The following COPS5 variants were observed in gnomAD, a reference collection of about 807,000 sequenced individuals.
COPS5 encodes the protein COP9 signalosome subunit 5.
In COPS5, 8 loss-of-function variants were observed where a neutral mutation model predicts 44.4. That is an observed-to-expected ratio of 0.18 (90% CI 0.11 to 0.32). The LOEUF (loss-of-function observed/expected upper bound fraction) is 0.32. COPS5 is among the 10% of genes least tolerant of loss of function. COPS5 has a pLI of 1.00. For missense variants in COPS5, 159 were observed against 406.4 expected (o/e 0.39, Z 5.23); for synonymous variants, 122 against 142.8 (o/e 0.85, Z 1.04).
intron 6 of COPS5, chr8:67,047,718 G>A: frequency 2.9e-6 from 2 of 690,768 alleles, no homozygotes; most frequent in East Asian, 5.4e-5. Context: ...CATGTATGCA[G>A]TGCTGGAATA....
intron 5 of COPS5, among the ~76,000 whole-genome samples, chr8:67,054,054 C>A (rs1804460251): frequency 6.7e-6 from 1 of 149,650 alleles, no homozygotes; most frequent in Non-Finnish European, 1.5e-5. Context: ...GTTCAAAATT[C>A]TAGTCTTTAG....
chr8:67,049,858 C>T (rs962576269), intron 6 of COPS5, among the ~76,000 whole-genome samples: 2 of 152,160 alleles, frequency 1.3e-5, no homozygotes, highest in African/African-American at 4.8e-5. Flanking sequence ...ACTATATATA[C>T]TGCAGTATAT....
intron 5 of COPS5, among the ~76,000 whole-genome samples, chr8:67,054,510 C>T (rs985173415): frequency 2.0e-5 from 3 of 152,036 alleles, no homozygotes; most frequent in Non-Finnish European, 4.4e-5. Flanking sequence ...CAGTGGTGTG[C>T]CTGTAGTCCC....
At chr8:67,045,666 C>T in intron 7 of COPS5, 146 bp downstream of exon 7, 1 of 792,062 alleles carries the variant, frequency 1.3e-6, no homozygotes, top group Non-Finnish European at 2.0e-6. Flanking sequence ...TCTGACAACT[C>T]CTAAAGTTTC....
rs1411433547 is a variant in COPS5 at position 67,047,106 on chromosome 8, T to C, written c.772-1146A>G. 2.6e-5 allele frequency among the ~76,000 whole-genome samples: 4 copies of C among 152,280 alleles called. No individual in the cohort carries two copies. The East Asian group carries it at 7.7e-4, about 29-fold the overall frequency. ...AAAAATTTCACAAAGTTATTAAGTA[T>C]ACATTATATTTCTTTCCTAGATCTT... is the stretch of plus-strand genomic sequence containing the variant. On this transcript the variant is annotated intron_variant, in intron 6 of 7. Coordinates refer to ENST00000357849, the MANE Select transcript of COPS5 (RefSeq NM_006837.3).
In COPS5 at chr8:67,045,804, A is replaced by C; in HGVS notation, c.920+8T>G. 2.5e-6 allele frequency: 4 copies of C among 1,613,974 alleles called. No homozygotes were observed. Among genetic ancestry groups the C allele is most frequent in the Non-Finnish European group, 3.4e-6 (4 of 1,179,952 alleles). On this transcript the variant is annotated splice_region_variant and intron_variant, in intron 7 of 7. Coordinates refer to ENST00000357849, the MANE Select transcript of COPS5 (RefSeq NM_006837.3). Reference sequence around the variant, plus strand: ...GGGGCAACAGGAATCTTATAGATTTACTCTTACCTGTCTCTTGTAGCTTTG... The same window carrying C: ...GGGGCAACAGGAATCTTATAGATTTCCTCTTACCTGTCTCTTGTAGCTTTG...
chr8:67,052,984 G>A (rs1804441488), intron 5 of COPS5, among the ~76,000 whole-genome samples: 1 of 151,952 alleles, frequency 6.6e-6, no homozygotes, highest in Non-Finnish European at 1.5e-5. Context: ...CTGGAGGCAG[G>A]GATTCCACAA....
At chr8:67,045,141 A>G (rs552300678) in intron 7 of COPS5, 1 of 152,250 alleles carries the variant, frequency 6.6e-6, no homozygotes, top group East Asian at 1.9e-4. Context: ...GAATATTAAC[A>G]TCTTGTAAAT....
intron 6 of COPS5, among the ~76,000 whole-genome samples, chr8:67,050,614 AGTGT>A (rs5892073): frequency 0.029 from 4,043 of 141,112 alleles, 124 homozygotes; most frequent in African/African-American, 0.065. Context: ...TGAGTGTGAG[AGTGT>A]GTGTGTGTGT....
chr8:67,051,478 T>C, intron 5 of COPS5, 137 bp from the exon 6 acceptor site: 2 of 587,422 alleles, frequency 3.4e-6, no homozygotes. Context: ...AATAAGGCAA[T>C]AGCTAACCAT....
chr8:67,047,994 T>C, intron 6 of COPS5: 1 of 674,378 alleles, frequency 1.5e-6, no homozygotes. Flanking sequence ...TAAGAACAGA[T>C]ACTGGGCGCC....
chr8:67,047,942 C>A (rs368150358), intron 6 of COPS5: 1 of 701,170 alleles, frequency 1.4e-6, no homozygotes, highest in African/African-American at 1.7e-5. Context: ...TATGATCATT[C>A]TCCATCCTAA....
chr8:67,045,596 A>C, intron 7 of COPS5: 1 of 557,948 alleles, frequency 1.8e-6, no homozygotes, highest in Admixed American at 3.1e-5. Context: ...TAGAACTTTG[A>C]TTTAAGCCTT....
chr8:67,061,986 G>A lies in COPS5; in HGVS notation c.11C>T (p.Ser4Phe). The A allele has an allele frequency of 6.2e-7, 1 of 1,614,220 alleles. No individual in the cohort carries two copies. Among genetic ancestry groups the A allele is most frequent in the Non-Finnish European group, 8.5e-7 (1 of 1,180,040 alleles). The change falls in exon 1 of 8, where the codon TCC (serine) becomes TTC (phenylalanine). Residue 4 changes from serine to phenylalanine, a missense_variant. Transcript: ENST00000357849. MAA[S>F]GSGMAQKTWE... Reference sequence around the variant, plus strand: ...GGTTTTCTGGGCCATACCGCTCCCGGACGCCGCCATCGCCGAGGAAGCGGA... The same window carrying A: ...GGTTTTCTGGGCCATACCGCTCCCGAACGCCGCCATCGCCGAGGAAGCGGA...
intron 1 of COPS5, 90 bp downstream of exon 1, chr8:67,061,764 C>G: frequency 3.1e-6 from 4 of 1,310,342 alleles, no homozygotes; most frequent in South Asian, 1.2e-5. Flanking sequence ...TCGGTGAAAG[C>G]TCTTCACCCC....
chr8:67,046,492 G>GTA (rs1482721474), intron 6 of COPS5, among the ~76,000 whole-genome samples: 2 of 152,066 alleles, frequency 1.3e-5, no homozygotes, highest in Non-Finnish European at 2.9e-5. Context: ...TTCAGAATTA[G>GTA]TACTTATGAC....
intron 4 of COPS5, among the ~76,000 whole-genome samples, 191 bp from the exon 5 acceptor site, chr8:67,056,795 C>T (rs1207575674): frequency 1.4e-5 from 2 of 147,234 alleles, no homozygotes; most frequent in African/African-American, 5.0e-5. Context: ...CATGAGCATT[C>T]TAATAAAAAA....
chr8:67,061,417 C>G (rs1804621214), intron 1 of COPS5: 1 of 450,454 alleles, frequency 2.2e-6, no homozygotes. Context: ...CAGCGAGGAC[C>G]CATTTCTATT....
chr8:67,052,836 A>G (rs1276937276), intron 5 of COPS5, among the ~76,000 whole-genome samples: 1 of 151,738 alleles, frequency 6.6e-6, no homozygotes, highest in Non-Finnish European at 1.5e-5. Context: ...AAAAAAAAAA[A>G]AGAAATTTAA....
Sources: gnomAD v4.1 joint callset for allele counts (sites outside exome capture counted in the v4.1 genomes callset) on GRCh38, gnomAD v4.1.1 for gene constraint, MANE v1.5 for transcripts, NCBI Gene and HGNC (gene_info 2026-07-23, HGNC 2026-07-21) for gene names.